Variants in DIP2C observed in about 807,000 individuals in gnomAD.
The protein encoded by DIP2C is disco-interacting protein 2 homolog C.
DIP2C carries 33 observed loss-of-function variants against 192.4 expected under a neutral mutation model. That is an observed-to-expected ratio of 0.17 (90% confidence interval 0.13 to 0.23). The LOEUF is 0.23. DIP2C is among the 10% of genes least tolerant of loss of function. The probability of loss-of-function intolerance (pLI) is 1.00; values close to 1 mark genes in which losing one functional copy is unlikely to be tolerated. For missense variants in DIP2C, 1,537 were observed against 2,110.1 expected, an observed-to-expected ratio of 0.73 and a Z score of 5.32; for synonymous variants, 979 against 864.1, an observed-to-expected ratio of 1.13 and a Z score of -2.33.
intron 34 of DIP2C, among the ~76,000 whole-genome samples, chr10:285,350 C>T (rs952127957): frequency 6.6e-6 from 1 of 152,146 alleles, no homozygotes; most frequent in African/African-American, 2.4e-5. Flanking sequence ...TAGCACGCCT[C>T]CCACATGTGC....
intron 1 of DIP2C, among the ~76,000 whole-genome samples, chr10:528,359 A>ACCCAGAACGCAGACCGCCCGCAGCTCC (rs373324517): frequency 1.4e-5 from 2 of 140,594 alleles, no homozygotes; most frequent in Admixed American, 7.1e-5. Context: ...CCCGCTGCCC[A>ACCCAGAACGCAGACCGCCCGCAGCTCC]CCCAGAACGC....
chr10:587,702 G>A (rs1325746947), intron 1 of DIP2C, among the ~76,000 whole-genome samples: 2 of 130,508 alleles, frequency 1.5e-5, no homozygotes, highest in African/African-American at 3.1e-5. Flanking sequence ...ACCAGGCACT[G>A]CCTCAGCCCT....
Position 675,915 on chromosome 10 carries a change from G to C in DIP2C, c.85+13579C>G, listed in dbSNP as rs181142920. Among the ~76,000 whole-genome samples, 9 of 152,228 alleles carry C rather than the reference G, an allele frequency of 5.9e-5. 1 individual carries two copies. The highest frequency in any genetic ancestry group is 4.6e-4 in the Admixed American group (7 of 15,292). ...GAATTCTGCCAAGTTCATTCTTCAA[G>C]GCCAGCATTACCCTGATACCAAAGT... On this transcript the variant is annotated intron_variant, in intron 1 of 36. Transcript: ENST00000280886.
Position 414,422 on chromosome 10 carries a change from C to A in DIP2C, c.860-312G>T, listed in dbSNP as rs539501899. On this transcript the variant is annotated intron_variant, in intron 7 of 36. Coordinates refer to ENST00000280886, the MANE Select transcript of DIP2C (RefSeq NM_014974.3). ...AGAGGCTGGAATTCAAACAGCCATG[C>A]TGAAATTTCCATTACCAACATCAGC... Among the ~76,000 whole-genome samples, 312 of 152,276 alleles carry A rather than the reference C, an allele frequency of 2.0e-3. 1 individual carries two copies. The highest frequency in any genetic ancestry group is 0.014 in the Middle Eastern group (4 of 294).
rs868251707 is a variant in DIP2C at position 689,080 on chromosome 10, G to A, written c.85+414C>T. Among the ~76,000 whole-genome samples the A allele has an allele frequency of 3.9e-5, 6 of 152,050 alleles. No individual in the cohort carries two copies. Among genetic ancestry groups the A allele is most frequent in the South Asian group, 2.1e-4 (1 of 4,822 alleles). Reference sequence around the variant, plus strand: ...CGCGGCTCCAGCGCAGAGCGCACGGGAAGGCCGATCCCGCCGGGCCCGCTG... The same window carrying A: ...CGCGGCTCCAGCGCAGAGCGCACGGAAAGGCCGATCCCGCCGGGCCCGCTG... On this transcript the variant is annotated intron_variant, in intron 1 of 36. Coordinates refer to ENST00000280886, the MANE Select transcript of DIP2C (RefSeq NM_014974.3). The surrounding 1 kb of genome is among the most constrained non-coding windows in gnomAD (Gnocchi z 6.1).
chr10:302,934 CT>C (rs1264685437), intron 32 of DIP2C, among the ~76,000 whole-genome samples: 2 of 151,986 alleles, frequency 1.3e-5, no homozygotes, highest in African/African-American at 2.4e-5. Flanking sequence ...TACTTGTAAG[CT>C]AAGACATCAC....
At chr10:510,981 T>C (rs1845976259) in intron 1 of DIP2C, among the ~76,000 whole-genome samples, 1 of 152,220 alleles carries the variant, frequency 6.6e-6, no homozygotes, top group African/African-American at 2.4e-5. Flanking sequence ...TTCTCCTGAA[T>C]ATTGACCACA....
intron 31 of DIP2C, among the ~76,000 whole-genome samples, chr10:318,280 A>G (rs1041457792): frequency 1.2e-4 from 19 of 152,186 alleles, no homozygotes; most frequent in Non-Finnish European, 1.5e-5. Context: ...GTAGGAAGTA[A>G]AAATACCAGA....
chr10:419,663 T>C (rs1363385510), intron 5 of DIP2C, among the ~76,000 whole-genome samples: 1 of 152,198 alleles, frequency 6.6e-6, no homozygotes, highest in Non-Finnish European at 1.5e-5. Context: ...GGAACAGTAA[T>C]GGCCATGACC....
At chr10:422,088 G>T (rs1373698362) in intron 5 of DIP2C, among the ~76,000 whole-genome samples, 1 of 152,204 alleles carries the variant, frequency 6.6e-6, no homozygotes, top group Non-Finnish European at 1.5e-5. Flanking sequence ...TACCGGGAGG[G>T]TCTGAGCCCG....
At chr10:492,552 T>C (rs941067479) in intron 1 of DIP2C, among the ~76,000 whole-genome samples, 13 of 152,232 alleles carry the variant, frequency 8.5e-5, no homozygotes, top group African/African-American at 3.1e-4. Context: ...TTATTTATTG[T>C]TATTTAGTGC....
chr10:288,942 A>G (rs952914030), intron 32 of DIP2C, among the ~76,000 whole-genome samples: 1 of 152,240 alleles, frequency 6.6e-6, no homozygotes, highest in Non-Finnish European at 1.5e-5. Flanking sequence ...ACTTCAAAGA[A>G]TACATAATGA....
chr10:407,349 G>T (rs1465505123), intron 9 of DIP2C, among the ~76,000 whole-genome samples: 1 of 152,114 alleles, frequency 6.6e-6, no homozygotes, highest in Non-Finnish European at 1.5e-5. Flanking sequence ...GTGGATTTGG[G>T]GTTGCTTCCA....
intron 1 of DIP2C, chr10:650,850 A>G: frequency 1.4e-6 from 1 of 716,244 alleles, no homozygotes; most frequent in East Asian, 2.7e-5. Flanking sequence ...CCCACTTGTG[A>G]GAGGTCCGTG....
At chr10:282,810 A>G (rs1342876352) in intron 35 of DIP2C, among the ~76,000 whole-genome samples, 1 of 152,222 alleles carries the variant, frequency 6.6e-6, no homozygotes, top group Admixed American at 6.5e-5. Context: ...AGGGCCCGAG[A>G]GCCTCGCGGC....
At chr10:386,563 T>TCCC (rs773597965) in intron 14 of DIP2C, among the ~76,000 whole-genome samples, 1 of 151,918 alleles carries the variant, frequency 6.6e-6, no homozygotes, top group Non-Finnish European at 1.5e-5. Context: ...CTCCATCTTA[T>TCCC]CCCCCAACAG....
Position 277,268 on chromosome 10 carries a change from GAC to G in DIP2C, c.*55_*56del. ...TGCCCTGTGTCTGCACGCTTCAGTG[GAC>G]ACGGAGAACAATGTCTACATCTCTA... is the stretch of plus-strand genomic sequence containing the variant. On this transcript the variant is annotated 3_prime_UTR_variant, in exon 37 of 37. Coordinates refer to ENST00000280886, the MANE Select transcript of DIP2C (RefSeq NM_014974.3). 2 of 1,592,496 alleles carry G rather than the reference GAC, an allele frequency of 1.3e-6. No individual in the cohort carries two copies. Among genetic ancestry groups the G allele is most frequent in the South Asian group, 1.1e-5 (1 of 88,004 alleles).
intron 7 of DIP2C, among the ~76,000 whole-genome samples, chr10:414,762 G>GTA (rs1229136650): frequency 2.6e-4 from 14 of 53,288 alleles, no homozygotes; most frequent in African/African-American, 9.6e-4. Context: ...TATATAATGT[G>GTA]TATATATATA....
intron 31 of DIP2C, among the ~76,000 whole-genome samples, chr10:320,384 T>G (rs1427292092): frequency 6.6e-6 from 1 of 151,852 alleles, no homozygotes; most frequent in East Asian, 1.9e-4. Context: ...GGCAGGTGCC[T>G]GTAATACCAG....
Sources: allele counts gnomAD v4.1 joint callset (sites outside exome capture counted in the v4.1 genomes callset), GRCh38; gene constraint gnomAD v4.1.1; non-coding constraint Gnocchi (gnomAD v3.1); transcripts MANE v1.5; gene names NCBI Gene and HGNC (gene_info 2026-07-23, HGNC 2026-07-21).